MAP2: variants seen among roughly 807,000 people sequenced by gnomAD.
MAP2 encodes the protein microtubule associated protein 2.
Under a neutral mutation model 137.6 loss-of-function variants are expected in MAP2, and 14 were observed. The observed-to-expected ratio is 0.10, with a 90% CI of 0.07 to 0.16. The LOEUF is 0.16. Among genes scored for constraint, MAP2 ranks in the 10% least tolerant of loss-of-function variants. MAP2 has a pLI of 1.00. For synonymous variants in MAP2, 786 were observed against 782.3 expected, an observed-to-expected ratio of 1.00 and a Z score of -0.08; for missense variants, 2,088 against 2,191.5, an observed-to-expected ratio of 0.95 and a Z score of 0.94.
intron 1 of MAP2, among the ~76,000 whole-genome samples, chr2:209,458,579 T>C (rs993201763): frequency 2.6e-5 from 4 of 152,198 alleles, no homozygotes; most frequent in African/African-American, 9.6e-5. Context: ...CTAAAGGGGA[T>C]GGTCACTGTA....
chr2:209,644,937 A>G (rs971652021), intron 4 of MAP2, among the ~76,000 whole-genome samples: 1 of 152,212 alleles, frequency 6.6e-6, no homozygotes, highest in Non-Finnish European at 1.5e-5. Flanking sequence ...TTCAAAATTC[A>G]TCAATAGCTC....
At chr2:209,706,510 G>GACCCTCTAGAGAGGGTAACTTGTCCAGTT (rs531382829) in intron 12 of MAP2, among the ~76,000 whole-genome samples, 48 of 151,990 alleles carry the variant, frequency 3.2e-4, no homozygotes, top group African/African-American at 8.7e-4. Context: ...TGAGAAAACT[G>GACCCTCTAGAGAGGGTAACTTGTCCAGTT]ACCCTCTAGA....
chr2:209,436,764 C>G (rs1696413887), intron 1 of MAP2, among the ~76,000 whole-genome samples: 1 of 151,660 alleles, frequency 6.6e-6, no homozygotes, highest in Non-Finnish European at 1.5e-5. Context: ...GATTTTGTCT[C>G]CATTTTTTTC....
intron 7 of MAP2, among the ~76,000 whole-genome samples, chr2:209,686,337 T>C (rs545325272): frequency 3.4e-4 from 52 of 152,338 alleles, no homozygotes; most frequent in African/African-American, 1.2e-3. Flanking sequence ...CTCTACAAAA[T>C]GTTATTTTAG....
intron 13 of MAP2, among the ~76,000 whole-genome samples, chr2:209,722,235 A>G (rs1370064467): frequency 6.6e-6 from 1 of 152,186 alleles, no homozygotes; most frequent in Admixed American, 6.5e-5. Context: ...TCTGAATTCA[A>G]ATTTTGACAA....
intron 3 of MAP2, among the ~76,000 whole-genome samples, chr2:209,586,430 A>T (rs1465976751): frequency 6.6e-6 from 1 of 152,008 alleles, no homozygotes; most frequent in Admixed American, 6.6e-5. Context: ...AATATGAGAA[A>T]CCTTGCATAT....
At chr2:209,656,394 A>G (rs2095148253) in intron 5 of MAP2, among the ~76,000 whole-genome samples, 1 of 152,072 alleles carries the variant, frequency 6.6e-6, no homozygotes, top group African/African-American at 2.4e-5. Flanking sequence ...CTGTGGTCCC[A>G]GCTACTCAAG....
At chr2:209,641,253 T>C (rs1427665433) in intron 4 of MAP2, among the ~76,000 whole-genome samples, 2 of 152,184 alleles carry the variant, frequency 1.3e-5, no homozygotes, top group Non-Finnish European at 2.9e-5. Context: ...ACTTTTATGG[T>C]ATTTTGTTAA....
intron 7 of MAP2, among the ~76,000 whole-genome samples, chr2:209,692,037 G>A (rs1345315633): frequency 2.0e-5 from 3 of 152,062 alleles, no homozygotes. Context: ...GTAACCTGTG[G>A]ATGCCTAAAG....
At chr2:209,678,710 G>C (rs373736356) in intron 6 of MAP2, 25 bp downstream of exon 6, 1 of 1,436,614 alleles carries the variant, frequency 7.0e-7, no homozygotes, top group African/African-American at 1.4e-5. Context: ...TCTCAGGTCA[G>C]GGACTGTGTC....
chr2:209,546,915 G>T (rs2068190700), intron 2 of MAP2, among the ~76,000 whole-genome samples: 1 of 152,096 alleles, frequency 6.6e-6, no homozygotes, highest in South Asian at 2.1e-4. Flanking sequence ...TAATAGCCTA[G>T]CCAGTGGCTA....
intron 4 of MAP2, among the ~76,000 whole-genome samples, chr2:209,628,463 C>T (rs2092644784): frequency 6.6e-6 from 1 of 152,136 alleles, no homozygotes; most frequent in Admixed American, 6.5e-5. Flanking sequence ...CAAGCTCATG[C>T]CTGTCCAGGA....
intron 4 of MAP2, among the ~76,000 whole-genome samples, chr2:209,647,415 A>G (rs761785490): frequency 6.6e-6 from 1 of 152,224 alleles, no homozygotes; most frequent in African/African-American, 2.4e-5. Context: ...AGTCTACCTA[A>G]AAACAAAATT....
At position 209,518,256 on chromosome 2, in the gene MAP2, T is replaced by G. The variant is rs189422809; in HGVS notation, c.-172+10615T>G. 1.7e-4 allele frequency among the ~76,000 whole-genome samples: 26 copies of G among 152,184 alleles called. No individual in the cohort carries two copies. The East Asian group carries it at 4.2e-3, about 25-fold the overall frequency. On this transcript the variant is annotated intron_variant, in intron 2 of 15. Transcript: ENST00000682079. Reference sequence around the variant, plus strand: ...GCTTACAGTCAAGAGAGGGGAAAACTAATGCATATAAATATTAATACATGA... The same window carrying G: ...GCTTACAGTCAAGAGAGGGGAAAACGAATGCATATAAATATTAATACATGA...
chr2:209,482,708 A>G (rs2057884240), intron 1 of MAP2, among the ~76,000 whole-genome samples: 1 of 152,208 alleles, frequency 6.6e-6, no homozygotes, highest in Non-Finnish European at 1.5e-5. Context: ...AGACATATTT[A>G]AACACTAACT....
intron 13 of MAP2, among the ~76,000 whole-genome samples, chr2:209,724,082 G>A (rs2072762989): frequency 6.6e-6 from 1 of 152,106 alleles, no homozygotes; most frequent in Non-Finnish European, 1.5e-5. Flanking sequence ...TTACCCATGA[G>A]GCAAAGACTG....
At chr2:209,678,948 G>A (rs781215157) in intron 6 of MAP2, among the ~76,000 whole-genome samples, 1 of 151,888 alleles carries the variant, frequency 6.6e-6, no homozygotes, top group Non-Finnish European at 1.5e-5. Context: ...TCATTTTCCA[G>A]ACCACTAGAA....
intron 2 of MAP2, among the ~76,000 whole-genome samples, chr2:209,524,315 CTTTTTCTTT>C (rs958737055): frequency 6.6e-6 from 1 of 151,682 alleles, no homozygotes; most frequent in African/African-American, 2.4e-5. Flanking sequence ...TTTCTTTAGT[CTTTTTCTTT>C]TTTTTCTTTT....
chr2:209,723,678 G>T (rs1337131678), intron 13 of MAP2: 1 of 1,613,458 alleles, frequency 6.2e-7, no homozygotes, highest in African/African-American at 1.3e-5. Flanking sequence ...ATTCGGCTGG[G>T]GGCGGAAATG....
Sources: gnomAD v4.1 joint callset for allele counts (sites outside exome capture counted in the v4.1 genomes callset) on GRCh38, gnomAD v4.1.1 for gene constraint, MANE v1.5 for transcripts, NCBI Gene and HGNC (gene_info 2026-07-23, HGNC 2026-07-21) for gene names.